The following PAPPA2 variants were observed in gnomAD, a reference collection of about 807,000 sequenced individuals.
PAPPA2 encodes pappalysin 2, also known as pappalysin-2.
In PAPPA2, 86 loss-of-function variants were observed where a neutral mutation model predicts 176.4. The observed-to-expected ratio is 0.49, with a 90% CI of 0.41 to 0.58. PAPPA2 has a LOEUF of 0.58. Ranked by LOEUF, PAPPA2 falls within the 20% of genes least tolerant of loss-of-function variation. The pLI is 0.00. For synonymous variants in PAPPA2, 809 were observed against 852.2 expected (o/e 0.95, Z 0.88); for missense variants, 2,073 against 2,256.9 (o/e 0.92, Z 1.65).
At chr1:176,800,766 G>A (rs1168113066) in intron 21 of PAPPA2, among the ~76,000 whole-genome samples, 1 of 152,040 alleles carries the variant, frequency 6.6e-6, no homozygotes. Flanking sequence ...TACTTACCTG[G>A]TGGGCACCCC....
At chr1:176,516,281 T>A (rs1648908468) in intron 1 of PAPPA2, among the ~76,000 whole-genome samples, 1 of 152,056 alleles carries the variant, frequency 6.6e-6, no homozygotes, top group African/African-American at 2.4e-5. Context: ...ATTCTTTTTT[T>A]TTTTTTTTGT....
Position 176,685,704 on chromosome 1 carries a change from T to C in PAPPA2, c.2138-4433T>C, listed in dbSNP as rs142598078. Among the ~76,000 whole-genome samples the C allele has an allele frequency of 3.0e-4, 46 of 152,342 alleles. 1 individual carries two copies. Among genetic ancestry groups the C allele is most frequent in the African/African-American group, 1.1e-3 (46 of 41,588 alleles). ...CCTCCCCACCAGGGGAAGACTTAAA[T>C]GCTGATGATGGCAGGAAGGGATTGC... On this transcript the variant is annotated intron_variant, in intron 4 of 22. Coordinates refer to ENST00000367662, the MANE Select transcript of PAPPA2 (RefSeq NM_020318.3).
chr1:176,570,912 GAC>G (rs1399200279), intron 2 of PAPPA2, among the ~76,000 whole-genome samples: 1 of 151,954 alleles, frequency 6.6e-6, no homozygotes. Flanking sequence ...CTCCTCTCCT[GAC>G]CCTGCCTCCC....
At chr1:176,486,913 A>C (rs917285918) in intron 1 of PAPPA2, among the ~76,000 whole-genome samples, 4 of 150,724 alleles carry the variant, frequency 2.7e-5, no homozygotes, top group Non-Finnish European at 5.9e-5. Context: ...AAAGGAGCTA[A>C]TGTGAGAGGG....
chr1:176,702,769 G>C (rs751874450), intron 9 of PAPPA2, 34 bp downstream of exon 9: 5 of 1,573,178 alleles, frequency 3.2e-6, no homozygotes, highest in Non-Finnish European at 2.6e-6. Context: ...GTGTGTGTGT[G>C]TGTGTGTGAG....
At chr1:176,835,253 C>A (rs1463998623) in intron 21 of PAPPA2, among the ~76,000 whole-genome samples, 2 of 152,162 alleles carry the variant, frequency 1.3e-5, no homozygotes, top group Admixed American at 6.5e-5. Flanking sequence ...TCCTTGAAAA[C>A]AAGACAGTTC....
At chr1:176,789,280 T>C (rs1477630427) in intron 17 of PAPPA2, among the ~76,000 whole-genome samples, 1 of 152,176 alleles carries the variant, frequency 6.6e-6, no homozygotes, top group African/African-American at 2.4e-5. Flanking sequence ...GAAACCATCA[T>C]TCTCAGCAAA....
chr1:176,581,909 T>C (rs1473249301), intron 2 of PAPPA2, among the ~76,000 whole-genome samples: 1 of 131,796 alleles, frequency 7.6e-6, no homozygotes, highest in Admixed American at 7.5e-5. Flanking sequence ...TTTTTTTCTT[T>C]CTTTCTTTCT....
intron 1 of PAPPA2, among the ~76,000 whole-genome samples, chr1:176,547,621 T>C (rs1558428204): frequency 6.6e-6 from 1 of 152,322 alleles, no homozygotes; most frequent in East Asian, 1.9e-4. Flanking sequence ...ACACAGGGTC[T>C]CTCAACCTCA....
At chr1:176,658,669 G>A (rs904388061) in intron 3 of PAPPA2, among the ~76,000 whole-genome samples, 2 of 151,824 alleles carry the variant, frequency 1.3e-5, no homozygotes, top group African/African-American at 2.4e-5. Flanking sequence ...AAAGCAGGGA[G>A]GTAGATAAAA....
chr1:176,504,584 C>T (rs1216492238), intron 1 of PAPPA2, among the ~76,000 whole-genome samples: 1 of 152,098 alleles, frequency 6.6e-6, no homozygotes, highest in Non-Finnish European at 1.5e-5. Flanking sequence ...TGCTTAGCTG[C>T]GTTCCCTGAT....
intron 1 of PAPPA2, among the ~76,000 whole-genome samples, chr1:176,476,396 A>C (rs755433513): frequency 1.3e-5 from 2 of 152,226 alleles, no homozygotes; most frequent in Non-Finnish European, 2.9e-5. Flanking sequence ...TGTGGTCCTG[A>C]ATCCAAAAGC....
intron 21 of PAPPA2, among the ~76,000 whole-genome samples, chr1:176,814,426 T>C (rs1666298597): frequency 6.6e-6 from 1 of 152,202 alleles, no homozygotes; most frequent in African/African-American, 2.4e-5. Flanking sequence ...GCATGGAATG[T>C]TTTTTCATTT....
chr1:176,807,501 T>C (rs577944725), intron 21 of PAPPA2, among the ~76,000 whole-genome samples: 25 of 151,158 alleles, frequency 1.7e-4, no homozygotes, highest in East Asian at 3.9e-4. Flanking sequence ...TTCTTTCTTT[T>C]TTTTTTTTTT....
intron 21 of PAPPA2, among the ~76,000 whole-genome samples, chr1:176,804,568 T>A (rs747273730): frequency 9.9e-5 from 15 of 152,148 alleles, no homozygotes; most frequent in Non-Finnish European, 2.1e-4. Context: ...GAGTATTTAA[T>A]GACTGGCACT....
chr1:176,651,263 T>G (rs1191713505), intron 3 of PAPPA2, among the ~76,000 whole-genome samples: 2 of 150,136 alleles, frequency 1.3e-5, no homozygotes, highest in Non-Finnish European at 3.0e-5. Flanking sequence ...CATATTAGTG[T>G]TTTTTTTTCA....
intron 3 of PAPPA2, among the ~76,000 whole-genome samples, chr1:176,632,133 C>T (rs776281565): frequency 2.0e-5 from 3 of 151,842 alleles, no homozygotes; most frequent in African/African-American, 7.3e-5. Flanking sequence ...GATTTTCACT[C>T]GTGAAGGAAA....
intron 14 of PAPPA2, among the ~76,000 whole-genome samples, chr1:176,752,192 TG>T (rs1663208337): frequency 9.8e-6 from 1 of 102,088 alleles, no homozygotes; most frequent in South Asian, 3.4e-4. Context: ...GGGACTGTGG[TG>T]GGGTCGGGGG....
At chr1:176,572,891 C>G (rs1652432463) in intron 2 of PAPPA2, among the ~76,000 whole-genome samples, 1 of 152,170 alleles carries the variant, frequency 6.6e-6, no homozygotes, top group South Asian at 2.1e-4. Flanking sequence ...ATATTTAACA[C>G]TATTTAAATA....
Sources: allele counts gnomAD v4.1 joint callset (sites outside exome capture counted in the v4.1 genomes callset), GRCh38; gene constraint gnomAD v4.1.1; transcripts MANE v1.5; gene names NCBI Gene and HGNC (gene_info 2026-07-23, HGNC 2026-07-21).